Variants in RBFOX1 observed in about 807,000 individuals in gnomAD.
RBFOX1 encodes RNA binding protein fox-1 homolog 1.
A neutral mutation model predicts 57.7 loss-of-function variants in RBFOX1; 8 were observed. That is an observed-to-expected ratio of 0.14 (90% CI 0.08 to 0.25). The LOEUF (loss-of-function observed/expected upper bound fraction) is 0.25. Among genes scored for constraint, RBFOX1 ranks in the 10% least tolerant of loss-of-function variants. The probability of loss-of-function intolerance (pLI) is 1.00; values close to 1 mark genes in which losing one functional copy is unlikely to be tolerated. For synonymous variants in RBFOX1, 326 were observed against 222.4 expected, an observed-to-expected ratio of 1.47 and a Z score of -4.15; for missense variants, 611 against 548.5, an observed-to-expected ratio of 1.11 and a Z score of -1.14.
At chr16:5,629,272 G>C (rs2048433501) in intron 3 of RBFOX1, among the ~76,000 whole-genome samples, 2 of 152,184 alleles carry the variant, frequency 1.3e-5, no homozygotes, top group Admixed American at 6.5e-5. Flanking sequence ...GGATGTACCA[G>C]TATGATGTTC....
intron 4 of RBFOX1, among the ~76,000 whole-genome samples, chr16:7,173,223 C>T (rs1298545338): frequency 6.6e-6 from 1 of 152,164 alleles, no homozygotes; most frequent in Non-Finnish European, 1.5e-5. Context: ...CACTACTTTT[C>T]TCCTCCCCCT....
At chr16:6,046,980 G>A (rs963793432) in intron 1 of RBFOX1, among the ~76,000 whole-genome samples, 1 of 152,194 alleles carries the variant, frequency 6.6e-6, no homozygotes, top group African/African-American at 2.4e-5. Flanking sequence ...GACATGTGCA[G>A]AGTTGGCATC....
At chr16:7,026,526 C>A (rs2040993402) in intron 3 of RBFOX1, among the ~76,000 whole-genome samples, 1 of 152,074 alleles carries the variant, frequency 6.6e-6, no homozygotes, top group Admixed American at 6.6e-5. Context: ...ATCTCTCTCA[C>A]ACACATACAC....
chr16:5,611,700 AC>A (rs2047795417), intron 3 of RBFOX1, among the ~76,000 whole-genome samples: 1 of 148,034 alleles, frequency 6.8e-6, no homozygotes, highest in Non-Finnish European at 1.5e-5. Context: ...TCCCCCACCC[AC>A]TCTCCCATCC....
At chr16:7,122,859 C>T (rs1363895914) in intron 4 of RBFOX1, among the ~76,000 whole-genome samples, 1 of 152,108 alleles carries the variant, frequency 6.6e-6, no homozygotes, top group Non-Finnish European at 1.5e-5. Context: ...TGGAATACTA[C>T]TGAACAATAA....
intron 4 of RBFOX1, among the ~76,000 whole-genome samples, chr16:6,009,589 T>A (rs2094947934): frequency 6.6e-6 from 1 of 152,108 alleles, no homozygotes; most frequent in Non-Finnish European, 1.5e-5. Flanking sequence ...TGCTAACAAT[T>A]ACCTCCTTTC....
Position 6,957,646 on chromosome 16 carries a change from G to A in RBFOX1, c.-15-94411G>A, listed in dbSNP as rs181806717. ...GTCTTTATGACCCGTATCTTGTGCC[G>A]ACATCCTGTCTCATCTTGTGACTTA... On this transcript the variant is annotated intron_variant, in intron 3 of 15. Transcript: ENST00000550418. Among the ~76,000 whole-genome samples, 79 of 152,122 alleles carry A rather than the reference G, an allele frequency of 5.2e-4. No homozygotes were observed. In the South Asian group the frequency reaches 8.5e-3, roughly 16 times the overall value.
intron 2 of RBFOX1, among the ~76,000 whole-genome samples, chr16:6,539,633 A>C (rs1256599272): frequency 6.6e-6 from 1 of 152,008 alleles, no homozygotes; most frequent in East Asian, 1.9e-4. Context: ...CCCCATCTCT[A>C]CTAAAAATAC....
chr16:7,049,339 C>T (rs2049135505), intron 3 of RBFOX1, among the ~76,000 whole-genome samples: 1 of 152,058 alleles, frequency 6.6e-6, no homozygotes, highest in Admixed American at 6.6e-5. Context: ...AGACCACAGT[C>T]CTAGATGTTA....
In RBFOX1 at chr16:6,079,170, G is replaced by T. The variant is rs372470332; in HGVS notation, c.-127+59178G>T. 1.8e-4 allele frequency among the ~76,000 whole-genome samples: 27 copies of T among 152,040 alleles called. No homozygotes were observed. The East Asian group carries it at 2.3e-3, about 13-fold the overall frequency. Reference sequence around the variant, plus strand: ...CTGAAAATAAAGAAAATTACCAGCCGCATTACATGCCTGTAATCCCAGCTA... The same window carrying T: ...CTGAAAATAAAGAAAATTACCAGCCTCATTACATGCCTGTAATCCCAGCTA... On this transcript the variant is annotated intron_variant, in intron 1 of 15. Coordinates refer to ENST00000550418, the MANE Select transcript of RBFOX1 (RefSeq NM_018723.4).
At position 6,522,154 on chromosome 16, in the gene RBFOX1, AGTGTGTGTGT is replaced by A. The variant is rs35360830; in HGVS notation, c.-63-132416_-63-132407del. ...TTTTAATGGCACTCTGGGGACCCAC[AGTGTGTGTGT>A]GTGTGTGTGTGTGTGTGTGTGTGTG... On this transcript the variant is annotated intron_variant, in intron 2 of 15. Coordinates refer to ENST00000550418, the MANE Select transcript of RBFOX1 (RefSeq NM_018723.4). 2.5e-3 allele frequency among the ~76,000 whole-genome samples: 362 copies of A among 142,854 alleles called. 2 individuals carry two copies. Among genetic ancestry groups the A allele is most frequent in the African/African-American group, 2.8e-3 (108 of 38,538 alleles). The allele number at this position is 142,854 out of a possible 152,430, so 93.7% of individuals were successfully genotyped here. A position where few individuals can be genotyped will look rare whatever the true frequency, so the allele number is the denominator to read the frequency against.
At chr16:6,929,817 G>A (rs1312925125) in intron 3 of RBFOX1, among the ~76,000 whole-genome samples, 1 of 152,096 alleles carries the variant, frequency 6.6e-6, no homozygotes, top group Admixed American at 6.5e-5. Context: ...TGCTCATGCT[G>A]TTTTAATTCA....
chr16:6,801,653 C>G (rs571691323), intron 3 of RBFOX1, among the ~76,000 whole-genome samples: 3 of 151,906 alleles, frequency 2.0e-5, no homozygotes, highest in African/African-American at 7.3e-5. Flanking sequence ...AAAGGTGTTT[C>G]TGGACCAAAC....
intron 3 of RBFOX1, among the ~76,000 whole-genome samples, chr16:6,728,946 C>A (rs1422972219): frequency 3.3e-5 from 5 of 152,118 alleles, no homozygotes; most frequent in Non-Finnish European, 5.9e-5. Flanking sequence ...TATTTGTATA[C>A]ATACACACAC....
At chr16:7,065,871 G>T (rs1336769116) in intron 4 of RBFOX1, among the ~76,000 whole-genome samples, 1 of 152,022 alleles carries the variant, frequency 6.6e-6, no homozygotes, top group East Asian at 1.9e-4. Flanking sequence ...AATTTTTTTA[G>T]ACGCTACATG....
intron 3 of RBFOX1, among the ~76,000 whole-genome samples, chr16:6,990,892 T>C (rs1185830825): frequency 6.6e-6 from 1 of 152,094 alleles, no homozygotes. Context: ...AGGCTGTCAT[T>C]TTTTATGATA....
chr16:6,052,157 C>A (rs1283029173), intron 1 of RBFOX1, among the ~76,000 whole-genome samples: 2 of 152,132 alleles, frequency 1.3e-5, no homozygotes, highest in East Asian at 1.9e-4. Context: ...AACAATTCAA[C>A]GCTGCTCCGG....
At chr16:6,831,858 G>A (rs1335817365) in intron 3 of RBFOX1, among the ~76,000 whole-genome samples, 4 of 152,146 alleles carry the variant, frequency 2.6e-5, no homozygotes, top group Non-Finnish European at 5.9e-5. Context: ...ATGCTAGGGA[G>A]CATCATTTAT....
chr16:6,114,688 G>A (rs889072833), intron 1 of RBFOX1, among the ~76,000 whole-genome samples: 15 of 152,142 alleles, frequency 9.9e-5, no homozygotes, highest in African/African-American at 3.6e-4. Flanking sequence ...CCTTTGAAAT[G>A]TATGTTAGAA....
Sources: gnomAD v4.1 joint callset for allele counts (sites outside exome capture counted in the v4.1 genomes callset) on GRCh38, gnomAD v4.1.1 for gene constraint, MANE v1.5 for transcripts, NCBI Gene and HGNC (gene_info 2026-07-23, HGNC 2026-07-21) for gene names.